The following RARB variants were observed in gnomAD, a reference collection of about 807,000 sequenced individuals.
The protein encoded by RARB is retinoic acid receptor beta.
Under a neutral mutation model 51.9 loss-of-function variants are expected in RARB, and 17 were observed. That is an observed-to-expected ratio of 0.33 (90% CI 0.22 to 0.49). The LOEUF is 0.49. RARB is among the 20% of genes least tolerant of loss of function. The probability of loss-of-function intolerance (pLI) is 0.99; values close to 1 mark genes in which losing one functional copy is unlikely to be tolerated. For synonymous variants in RARB, 215 were observed against 195.4 expected, an observed-to-expected ratio of 1.10 and a Z score of -0.84; for missense variants, 369 against 550.8, an observed-to-expected ratio of 0.67 and a Z score of 3.30.
chr3:24,949,878 A>T (rs1194585311), intron 2 of RARB, among the ~76,000 whole-genome samples: 1 of 152,218 alleles, frequency 6.6e-6, no homozygotes, highest in Non-Finnish European at 1.5e-5. Flanking sequence ...GGTTAAAAAA[A>T]AATACTAGCC....
intron 2 of RARB, among the ~76,000 whole-genome samples, chr3:25,490,510 C>T (rs1305145971): frequency 6.6e-6 from 1 of 152,156 alleles, no homozygotes; most frequent in African/African-American, 2.4e-5. Context: ...AATTCATGCT[C>T]TTTGGTAAAG....
Position 25,594,566 on chromosome 3 carries a change from A to G in RARB, c.1038A>G (p.Glu346=), listed in dbSNP as rs760433691. ...EEPTKVDKLQ[E]PLLEALKIYI... is the part of the protein sequence containing the mutation. ...CGACAAAAGTAGATAAGCTACAAGA[A>G]CCATTGCTGGAAGCACTAAAAATTT... The change falls in exon 7 of 8, where the codon GAA becomes GAG. Residue 346 remains glutamate (E), a synonymous_variant. Transcript: ENST00000330688. 23 of 1,613,710 alleles carry G rather than the reference A, an allele frequency of 1.4e-5. No homozygotes were observed. The highest frequency in any genetic ancestry group is 5.0e-5 in the Admixed American group (3 of 59,960).
chr3:25,559,977 A>C (rs138920494), intron 3 of RARB, among the ~76,000 whole-genome samples: 19 of 152,312 alleles, frequency 1.2e-4, no homozygotes, highest in Non-Finnish European at 2.4e-4. Context: ...ATGGATGAAA[A>C]ACACTCCCAG....
chr3:25,119,926 C>T (rs185516459), intron 3 of RARB, among the ~76,000 whole-genome samples: 56 of 152,170 alleles, frequency 3.7e-4, no homozygotes, highest in African/African-American at 1.3e-3. Flanking sequence ...GGAAGTAGAA[C>T]AAGGGCTGGA....
intron 1 of RARB, among the ~76,000 whole-genome samples, chr3:24,836,818 G>A (rs1702351273): frequency 6.6e-6 from 1 of 152,190 alleles, no homozygotes; most frequent in Admixed American, 6.5e-5. Flanking sequence ...GAAAAAGAGG[G>A]ACAGAAACAA....
chr3:25,210,071 A>G (rs991493211), intron 5 of RARB, among the ~76,000 whole-genome samples: 6 of 152,254 alleles, frequency 3.9e-5, no homozygotes, highest in African/African-American at 9.6e-5. Flanking sequence ...AGCTGGTTCT[A>G]TTTTCTGGAG....
chr3:25,255,503 C>T (rs1052136609), intron 5 of RARB, among the ~76,000 whole-genome samples: 1 of 152,114 alleles, frequency 6.6e-6, no homozygotes, highest in African/African-American at 2.4e-5. Flanking sequence ...GAGTTTGAAG[C>T]ATTTCACCCT....
At chr3:25,049,454 C>T (rs967400633) in intron 2 of RARB, among the ~76,000 whole-genome samples, 1 of 152,172 alleles carries the variant, frequency 6.6e-6, no homozygotes, top group African/African-American at 2.4e-5. Context: ...TGCTTATTTA[C>T]ATCACTTTGA....
intron 3 of RARB, among the ~76,000 whole-genome samples, chr3:25,568,830 G>A: frequency 6.6e-6 from 1 of 152,210 alleles, no homozygotes; most frequent in African/African-American, 2.4e-5. Context: ...GGGGTGGCAT[G>A]GTCTGTTTCG....
intron 1 of RARB, among the ~76,000 whole-genome samples, chr3:25,442,104 A>ATTTAATT (rs1402995045): frequency 1.2e-4 from 18 of 146,548 alleles, no homozygotes; most frequent in Non-Finnish European, 1.9e-4. Context: ...TGACTTTTTA[A>ATTTAATT]TTTTATTTTA....
At chr3:25,298,330 G>A (rs1481498848) in intron 5 of RARB, among the ~76,000 whole-genome samples, 5 of 151,958 alleles carry the variant, frequency 3.3e-5, no homozygotes, top group South Asian at 2.1e-4. Context: ...TTACAGCCAC[G>A]TGCCACCACG....
chr3:25,574,237 C>A (rs191176994), intron 4 of RARB, among the ~76,000 whole-genome samples: 293 of 152,290 alleles, frequency 1.9e-3, no homozygotes, highest in Middle Eastern at 6.8e-3. Context: ...CAACTCTTAT[C>A]CCTGCTACTT....
Position 25,137,768 on chromosome 3 carries a change from G to A in RARB, c.-280+5560G>A, listed in dbSNP as rs977092153. Among the ~76,000 whole-genome samples the A allele has an allele frequency of 5.9e-5, 9 of 152,152 alleles. No homozygotes were observed. In the South Asian group the frequency reaches 8.3e-4, roughly 14 times the overall value. ...ATATACTTACCCTGAGGTCCCATTG[G>A]CATTCTATAAGGAATGTTAGCCAGA... On this transcript the variant is annotated intron_variant, in intron 4 of 11. Coordinates refer to the RARB transcript ENST00000383772.
intron 5 of RARB, among the ~76,000 whole-genome samples, chr3:25,180,263 G>A (rs1232937448): frequency 3.3e-5 from 5 of 152,134 alleles, no homozygotes; most frequent in Non-Finnish European, 7.4e-5. Context: ...TGGAGTAATG[G>A]TTTAAGAATT....
intron 5 of RARB, among the ~76,000 whole-genome samples, chr3:25,329,968 A>T (rs1335838884): frequency 2.6e-5 from 4 of 152,222 alleles, no homozygotes; most frequent in Non-Finnish European, 5.9e-5. Context: ...TTAGAGAAAA[A>T]TTAATAAAAA....
At chr3:25,308,725 G>C (rs954657651) in intron 5 of RARB, among the ~76,000 whole-genome samples, 3 of 152,124 alleles carry the variant, frequency 2.0e-5, no homozygotes, top group African/African-American at 7.2e-5. Flanking sequence ...TGGGATTACA[G>C]GCATTAGCCA....
intron 5 of RARB, among the ~76,000 whole-genome samples, chr3:25,239,070 T>G (rs1702370723): frequency 6.6e-6 from 1 of 152,218 alleles, no homozygotes; most frequent in Non-Finnish European, 1.5e-5. Flanking sequence ...ATGTTGAACA[T>G]TTTTTCATAC....
At chr3:25,182,455 A>G (rs1241604259) in intron 5 of RARB, among the ~76,000 whole-genome samples, 1 of 152,170 alleles carries the variant, frequency 6.6e-6, no homozygotes, top group Non-Finnish European at 1.5e-5. Context: ...GTAACCATCT[A>G]GTACTTGCCT....
chr3:25,582,414 C>T (rs541034280), intron 5 of RARB, among the ~76,000 whole-genome samples: 200 of 152,154 alleles, frequency 1.3e-3, no homozygotes, highest in Non-Finnish European at 2.4e-3. Context: ...CCCTGCATCA[C>T]GCAGCCACCC....
Sources: gnomAD v4.1 joint callset for allele counts (sites outside exome capture counted in the v4.1 genomes callset) on GRCh38, gnomAD v4.1.1 for gene constraint, MANE v1.5 for transcripts, NCBI Gene and HGNC (gene_info 2026-07-23, HGNC 2026-07-21) for gene names.